Variants in MGAT4C observed in about 807,000 individuals in gnomAD.
MGAT4C encodes the protein MGAT4 family member C.
MGAT4C carries 19 observed loss-of-function variants against 40.1 expected under a neutral mutation model. That is an observed-to-expected ratio of 0.47 (90% CI 0.33 to 0.70). The LOEUF is 0.70. Ranked by LOEUF, MGAT4C falls within the 30% of genes least tolerant of loss-of-function variation. The probability of loss-of-function intolerance (pLI) is 0.02; values close to 1 mark genes in which losing one functional copy is unlikely to be tolerated. For synonymous variants in MGAT4C, 181 were observed against 187.1 expected, an observed-to-expected ratio of 0.97 and a Z score of 0.27; for missense variants, 491 against 563.2, an observed-to-expected ratio of 0.87 and a Z score of 1.30.
intron 2 of MGAT4C, among the ~76,000 whole-genome samples, chr12:86,700,898 G>A (rs1234865921): frequency 1.3e-5 from 2 of 152,026 alleles, no homozygotes; most frequent in Non-Finnish European, 2.9e-5. Flanking sequence ...ATTGATAGTA[G>A]AGAATTTCCT....
At position 86,526,582 on chromosome 12, in the gene MGAT4C, C is replaced by T. The variant is rs372525660; in HGVS notation, c.-228-91317G>A. ...AAGGCTGCCCTGCATGCAGGAGTGG[C>T]AAGGCTGGAGCCCCAGGAGAGGTGT... On this transcript the variant is annotated intron_variant, in intron 2 of 7. Coordinates refer to the MGAT4C transcript ENST00000548651. 3.1e-3 allele frequency among the ~76,000 whole-genome samples: 475 copies of T among 152,170 alleles called. 1 individual carries two copies. The highest frequency in any genetic ancestry group is 6.8e-3 in the Middle Eastern group (2 of 294).
chr12:86,575,910 G>C lies in MGAT4C; in HGVS notation c.-228-140645C>G, dbSNP rs528246130. Among the ~76,000 whole-genome samples the C allele has an allele frequency of 2.0e-5, 3 of 151,750 alleles. 1 individual carries two copies. The highest frequency in any genetic ancestry group is 7.2e-5 in the African/African-American group (3 of 41,430). ...TATTTAATTGAGGAACCTCTAAACT[G>C]TTCTCCATAGTGATTTTACTAATTT... is the stretch of plus-strand genomic sequence containing the variant. On this transcript the variant is annotated intron_variant, in intron 2 of 7. Transcript: ENST00000548651.
chr12:86,322,855 G>A (rs1390908022), intron 4 of MGAT4C, among the ~76,000 whole-genome samples: 1 of 152,046 alleles, frequency 6.6e-6, no homozygotes, highest in African/African-American at 2.4e-5. Context: ...GAAAATATCA[G>A]TTTTAAATTT....
intron 3 of MGAT4C, among the ~76,000 whole-genome samples, chr12:86,382,701 G>T (rs1955963525): frequency 6.6e-6 from 1 of 152,188 alleles, no homozygotes; most frequent in African/African-American, 2.4e-5. Context: ...TAGGGACTTG[G>T]TGCCCTGCAT....
chr12:86,469,992 A>G (rs1268673103), intron 2 of MGAT4C, among the ~76,000 whole-genome samples: 1 of 152,134 alleles, frequency 6.6e-6, no homozygotes, highest in Non-Finnish European at 1.5e-5. Flanking sequence ...ATGTTGTTGC[A>G]AAAGGTAGGA....
chr12:86,406,065 A>T (rs1211826053), intron 3 of MGAT4C, among the ~76,000 whole-genome samples: 1 of 145,460 alleles, frequency 6.9e-6, no homozygotes, highest in East Asian at 2.0e-4. Context: ...ATATACAGTA[A>T]TTTTTATATA....
chr12:86,239,976 T>G (rs1156735397), intron 1 of MGAT4C, among the ~76,000 whole-genome samples: 3 of 150,338 alleles, frequency 2.0e-5, no homozygotes, highest in Non-Finnish European at 4.4e-5. Context: ...TGTATACATA[T>G]GTAACTAACC....
At position 86,614,008 on chromosome 12, in the gene MGAT4C, T is replaced by C. The variant is rs553517554; in HGVS notation, c.-229+113201A>G. Among the ~76,000 whole-genome samples the C allele has an allele frequency of 3.3e-5, 5 of 152,278 alleles. No individual in the cohort carries two copies. In the East Asian group the frequency reaches 9.7e-4, roughly 29 times the overall value. ...GCAGAGCAATCAATGGGAATCAAGC[T>C]GATTTTAGTACACAAAATTTATGCC... On this transcript the variant is annotated intron_variant, in intron 2 of 7. Coordinates refer to the MGAT4C transcript ENST00000548651.
In MGAT4C at chr12:85,962,785, A is replaced by T. The variant is rs1280534736; in HGVS notation, c.*16504T>A. On this transcript the variant is annotated 3_prime_UTR_variant, in exon 5 of 5. Transcript: ENST00000611864. ...TTTCATTATATAAATGAAATATTTT[A>T]TCTGTTATAAAGACCTTTATTTTTG... The T allele has an allele frequency of 2.0e-5, 3 of 151,630 alleles. No individual in the cohort carries two copies. The East Asian group carries it at 5.8e-4, about 29-fold the overall frequency. The allele number at this position is 151,630 out of a possible 1,614,324, so 9.4% of individuals were successfully genotyped here. A position where few individuals can be genotyped will look rare whatever the true frequency, so the allele number is the denominator to read the frequency against.
intron 2 of MGAT4C, among the ~76,000 whole-genome samples, chr12:86,668,144 G>A (rs1393337908): frequency 6.6e-6 from 1 of 152,124 alleles, no homozygotes; most frequent in Admixed American, 6.5e-5. Flanking sequence ...TCTTAATTTT[G>A]TTCCCAAGAT....
chr12:86,768,069 G>T (rs1325433311), intron 1 of MGAT4C, among the ~76,000 whole-genome samples: 1 of 152,158 alleles, frequency 6.6e-6, no homozygotes, highest in African/African-American at 2.4e-5. Flanking sequence ...AAAAGAGGAA[G>T]TCAAATTATC....
At chr12:86,332,032 T>TA (rs1954680294) in intron 4 of MGAT4C, among the ~76,000 whole-genome samples, 1 of 152,160 alleles carries the variant, frequency 6.6e-6, no homozygotes, top group Non-Finnish European at 1.5e-5. Context: ...GTATACCATG[T>TA]AAATGCAGCG....
At chr12:86,319,515 G>T (rs908125297) in intron 4 of MGAT4C, among the ~76,000 whole-genome samples, 1 of 152,012 alleles carries the variant, frequency 6.6e-6, no homozygotes, top group African/African-American at 2.4e-5. Flanking sequence ...GAATAAAATG[G>T]TCTACCCAAT....
rs34788484 is a variant in MGAT4C at position 86,279,657 on chromosome 12, C to CTT, written c.-57+54406_-57+54407dup. 2.7e-3 allele frequency among the ~76,000 whole-genome samples: 399 copies of CTT among 146,892 alleles called. 5 individuals carry two copies. Among genetic ancestry groups the CTT allele is most frequent in the Non-Finnish European group, 3.6e-3 (241 of 66,548 alleles). ...TAATTTTATTTATTTCTGCTCTGATCTTTTTTTTTTCTTCTACTAATTTTG... is the reference window on the plus strand; with the variant it reads ...TAATTTTATTTATTTCTGCTCTGATCTTTTTTTTTTTTCTTCTACTAATTTTG... On this transcript the variant is annotated intron_variant, in intron 4 of 7. Transcript: ENST00000548651.
intron 2 of MGAT4C, among the ~76,000 whole-genome samples, chr12:86,456,177 A>C (rs1565775042): frequency 6.6e-6 from 1 of 152,162 alleles, no homozygotes; most frequent in South Asian, 2.1e-4. Context: ...TGCTGAAGCC[A>C]AATTAACCAA....
chr12:86,107,843 A>G (rs935255664), intron 1 of MGAT4C, among the ~76,000 whole-genome samples: 3 of 152,122 alleles, frequency 2.0e-5, no homozygotes, highest in Non-Finnish European at 2.9e-5. Flanking sequence ...TAAAAATTTT[A>G]TATATTTTTA....
intron 1 of MGAT4C, among the ~76,000 whole-genome samples, chr12:86,166,037 G>T (rs1886157263): frequency 6.6e-6 from 1 of 152,130 alleles, no homozygotes; most frequent in African/African-American, 2.4e-5. Context: ...TACTATGTAT[G>T]CAAGAAAATA....
chr12:86,524,618 G>A (rs1958849370), intron 2 of MGAT4C, among the ~76,000 whole-genome samples: 1 of 152,030 alleles, frequency 6.6e-6, no homozygotes, highest in Non-Finnish European at 1.5e-5. Context: ...GGTCTCTCTA[G>A]TTTCATTGGG....
In MGAT4C at chr12:86,423,718, T is replaced by A. The variant is rs111387970; in HGVS notation, c.-120+11439A>T. On this transcript the variant is annotated intron_variant, in intron 3 of 7. Transcript: ENST00000548651. Reference sequence around the variant, plus strand: ...ACTTGATGTGTAAAATATCCATTCATAATGTATTGAACATTACATTACATT... The same window carrying A: ...ACTTGATGTGTAAAATATCCATTCAAAATGTATTGAACATTACATTACATT... Among the ~76,000 whole-genome samples the A allele has an allele frequency of 1.3e-3, 191 of 152,318 alleles. 4 individuals carry two copies. The highest frequency in any genetic ancestry group is 4.3e-3 in the African/African-American group (179 of 41,586).
Sources: allele counts gnomAD v4.1 joint callset (sites outside exome capture counted in the v4.1 genomes callset), GRCh38; gene constraint gnomAD v4.1.1; transcripts MANE v1.5; gene names NCBI Gene and HGNC (gene_info 2026-07-23, HGNC 2026-07-21).